PTPN4: variants seen among roughly 807,000 people sequenced by gnomAD.
PTPN4 encodes the protein tyrosine-protein phosphatase non-receptor type 4.
In PTPN4, 49 loss-of-function variants were observed where a neutral mutation model predicts 135.5. The ratio of observed to expected loss-of-function variants is 0.36; its 90% CI spans 0.29 to 0.46. The LOEUF (loss-of-function observed/expected upper bound fraction) is 0.46. Among genes scored for constraint, PTPN4 ranks in the 20% least tolerant of loss-of-function variants. The pLI is 1.00. For synonymous variants in PTPN4, 333 were observed against 369.9 expected (o/e 0.90, Z 1.14); for missense variants, 860 against 1,101.0 (o/e 0.78, Z 3.10).
intron 26 of PTPN4, among the ~76,000 whole-genome samples, chr2:119,972,067 A>C (rs1679541696): frequency 6.6e-6 from 1 of 152,228 alleles, no homozygotes; most frequent in African/African-American, 2.4e-5. Flanking sequence ...ATTTAAAATC[A>C]GGAAATGTAA....
At chr2:119,793,174 G>A (rs756143613) in intron 1 of PTPN4, among the ~76,000 whole-genome samples, 46 of 152,168 alleles carry the variant, frequency 3.0e-4, no homozygotes, top group Non-Finnish European at 4.7e-4. Flanking sequence ...ACCTACAACT[G>A]CATAAGGCAG....
intron 16 of PTPN4, among the ~76,000 whole-genome samples, chr2:119,945,797 TG>T (rs896848912): frequency 3.3e-5 from 5 of 152,048 alleles, no homozygotes; most frequent in African/African-American, 1.2e-4. Context: ...CGACTGCTAA[TG>T]GATACAAGAT....
intron 26 of PTPN4, among the ~76,000 whole-genome samples, chr2:119,971,832 T>C (rs1679538638): frequency 6.6e-6 from 1 of 152,270 alleles, no homozygotes; most frequent in Admixed American, 6.5e-5. Flanking sequence ...TGGTTTGAGG[T>C]AGGGTTCCAA....
intron 24 of PTPN4, 118 bp from the exon 25 acceptor site, chr2:119,965,379 A>G: frequency 1.0e-6 from 1 of 972,796 alleles, no homozygotes; most frequent in East Asian, 2.6e-5. Flanking sequence ...AGTGTGCTGC[A>G]AGCTGTGTTT....
intron 8 of PTPN4, among the ~76,000 whole-genome samples, chr2:119,885,442 C>G (rs1678142296): frequency 6.6e-6 from 1 of 152,030 alleles, no homozygotes; most frequent in Non-Finnish European, 1.5e-5. Flanking sequence ...TCAGAGATAT[C>G]CTGTGTGATT....
chr2:119,850,242 C>T (rs531866488), intron 2 of PTPN4, among the ~76,000 whole-genome samples: 7 of 152,334 alleles, frequency 4.6e-5, no homozygotes, highest in Admixed American at 1.3e-4. Flanking sequence ...GGACAGTGTT[C>T]GGCTTCTCTT....
At chr2:119,805,718 G>T (rs1691455360) in intron 1 of PTPN4, among the ~76,000 whole-genome samples, 1 of 152,166 alleles carries the variant, frequency 6.6e-6, no homozygotes, top group Non-Finnish European at 1.5e-5. Context: ...ATAGTGTGAT[G>T]CCTCCAGCTT....
chr2:119,786,724 C>A (rs1691054577), intron 1 of PTPN4, among the ~76,000 whole-genome samples: 1 of 152,182 alleles, frequency 6.6e-6, no homozygotes, highest in African/African-American at 2.4e-5. Context: ...TTCACTGAGG[C>A]AGCTACTAAG....
At chr2:119,862,741 GT>G (rs547396647) in intron 3 of PTPN4, 98 bp downstream of exon 3, 2,325 of 803,906 alleles carry the variant, frequency 2.9e-3, no homozygotes, top group South Asian at 4.4e-3. Flanking sequence ...GATTTGATGA[GT>G]TTTTTTTTTA....
intron 1 of PTPN4, among the ~76,000 whole-genome samples, chr2:119,789,873 C>G (rs1008097509): frequency 1.3e-5 from 2 of 152,052 alleles, no homozygotes; most frequent in Non-Finnish European, 2.9e-5. Flanking sequence ...CAGGTGCATA[C>G]CACCATGCTC....
Position 119,776,115 on chromosome 2 carries a change from C to T in PTPN4, c.-18+15731C>T, listed in dbSNP as rs1414090626. Among the ~76,000 whole-genome samples, 9 of 152,228 alleles carry T rather than the reference C, an allele frequency of 5.9e-5. No individual in the cohort carries two copies. The East Asian group carries it at 7.7e-4, about 13-fold the overall frequency. On this transcript the variant is annotated intron_variant, in intron 1 of 26. Coordinates refer to ENST00000263708, the MANE Select transcript of PTPN4 (RefSeq NM_002830.4). ...TTACAACATGGACCCTTCTAAAATA[C>T]GGGCACTGAAACTAAAGCAAATGGT...
chr2:119,813,177 T>G (rs1202903254), intron 2 of PTPN4, among the ~76,000 whole-genome samples: 2 of 152,116 alleles, frequency 1.3e-5, no homozygotes, highest in Non-Finnish European at 2.9e-5. Flanking sequence ...AAACCTTAGC[T>G]GAGGCTGAGG....
chr2:119,802,145 C>A (rs747993563), intron 1 of PTPN4, among the ~76,000 whole-genome samples: 1 of 152,062 alleles, frequency 6.6e-6, no homozygotes, highest in East Asian at 1.9e-4. Flanking sequence ...CCTTGTAATC[C>A]GCCTGCCTTA....
At chr2:119,833,522 T>C (rs982431011) in intron 2 of PTPN4, among the ~76,000 whole-genome samples, 6 of 152,226 alleles carry the variant, frequency 3.9e-5, no homozygotes, top group African/African-American at 1.4e-4. Flanking sequence ...TAAAGGGATA[T>C]AATTGAGTCC....
At chr2:119,826,148 T>C (rs768835585) in intron 2 of PTPN4, among the ~76,000 whole-genome samples, 12 of 152,096 alleles carry the variant, frequency 7.9e-5, no homozygotes, top group Non-Finnish European at 1.5e-4. Flanking sequence ...AGAAACACAG[T>C]TGGGAGAGAT....
chr2:119,895,012 C>A (rs942037026), intron 9 of PTPN4, among the ~76,000 whole-genome samples: 1 of 152,128 alleles, frequency 6.6e-6, no homozygotes, highest in Non-Finnish European at 1.5e-5. Flanking sequence ...ATTACTGAAA[C>A]TCCATTCTTT....
At chr2:119,894,272 G>A (rs1186752920) in intron 9 of PTPN4, among the ~76,000 whole-genome samples, 4 of 152,088 alleles carry the variant, frequency 2.6e-5, no homozygotes, top group African/African-American at 9.7e-5. Context: ...GTAATCTCTT[G>A]GAACAGAGAA....
intron 10 of PTPN4, among the ~76,000 whole-genome samples, chr2:119,909,857 A>G (rs1678543246): frequency 6.6e-6 from 1 of 152,104 alleles, no homozygotes; most frequent in Admixed American, 6.6e-5. Context: ...GTGGGGTGGA[A>G]ATAACAAGAG....
chr2:119,980,802 A>G lies in PTPN4; in HGVS notation c.*3732A>G, dbSNP rs1010397363. On this transcript the variant is annotated 3_prime_UTR_variant, in exon 27 of 27. Coordinates refer to ENST00000263708, the MANE Select transcript of PTPN4 (RefSeq NM_002830.4). ...GACAGAACATAAGCTTTTGTAAAGTATTTAGACTGATAACACATGCAGTAT... is the reference window on the plus strand; with the variant it reads ...GACAGAACATAAGCTTTTGTAAAGTGTTTAGACTGATAACACATGCAGTAT... The G allele has an allele frequency of 2.6e-5, 4 of 152,040 alleles. No homozygotes were observed. Among genetic ancestry groups the G allele is most frequent in the Non-Finnish European group, 4.4e-5 (3 of 67,916 alleles). 9.4% of individuals were successfully genotyped at this position (152,040 alleles called of 1,614,324 possible).
Sources: gnomAD v4.1 joint callset for allele counts (sites outside exome capture counted in the v4.1 genomes callset) on GRCh38, gnomAD v4.1.1 for gene constraint, MANE v1.5 for transcripts, NCBI Gene and HGNC (gene_info 2026-07-23, HGNC 2026-07-21) for gene names.